SHC3: variants seen among roughly 807,000 people sequenced by gnomAD.
SHC3 encodes SHC-transforming protein 3.
In SHC3, 15 loss-of-function variants were observed where a neutral mutation model predicts 60.4. The observed-to-expected ratio is 0.25, with a 90% CI of 0.17 to 0.38. The LOEUF (loss-of-function observed/expected upper bound fraction) is 0.38, where lower values mean the gene tolerates loss of function less well. Ranked by LOEUF, SHC3 falls within the 10% of genes least tolerant of loss-of-function variation. The pLI, the probability that SHC3 is intolerant of heterozygous loss-of-function variation, is 1.00. For missense variants in SHC3, 677 were observed against 786.1 expected (o/e 0.86, Z 1.66); for synonymous variants, 294 against 325.9 (o/e 0.90, Z 1.05).
intron 1 of SHC3, among the ~76,000 whole-genome samples, chr9:89,123,861 G>A (rs986389085): frequency 9.2e-5 from 14 of 152,106 alleles, no homozygotes; most frequent in African/African-American, 3.4e-4. Context: ...CCATAAATGG[G>A]AATGTCATCC....
intron 11 of SHC3, among the ~76,000 whole-genome samples, chr9:89,016,262 T>C (rs1243613283): frequency 1.3e-5 from 2 of 151,936 alleles, no homozygotes; most frequent in Non-Finnish European, 2.9e-5. Context: ...AATAAAGAAA[T>C]ACAGGAATAA....
At chr9:89,035,140 C>G (rs748323275) in intron 11 of SHC3, among the ~76,000 whole-genome samples, 1 of 152,220 alleles carries the variant, frequency 6.6e-6, no homozygotes, top group African/African-American at 2.4e-5. Flanking sequence ...GCAACCTCCA[C>G]GATTGCGATG....
At chr9:89,125,554 C>T (rs1005118750) in intron 1 of SHC3, among the ~76,000 whole-genome samples, 3 of 151,948 alleles carry the variant, frequency 2.0e-5, no homozygotes, top group African/African-American at 7.3e-5. Context: ...TAAAGGGCTG[C>T]GTTCCCAGAA....
intron 1 of SHC3, 114 bp downstream of exon 1, chr9:89,177,873 C>T (rs1296953754): frequency 8.8e-7 from 1 of 1,131,656 alleles, no homozygotes; most frequent in African/African-American, 1.6e-5. Context: ...TTGCTTGCCT[C>T]TAACGTGACA....
At chr9:89,100,872 T>C (rs1825773214) in intron 2 of SHC3, among the ~76,000 whole-genome samples, 1 of 152,230 alleles carries the variant, frequency 6.6e-6, no homozygotes, top group South Asian at 2.1e-4. Flanking sequence ...TTCTACACTG[T>C]GAATTCTCTT....
chr9:89,148,347 A>G (rs1227533110), intron 1 of SHC3, among the ~76,000 whole-genome samples: 1 of 152,246 alleles, frequency 6.6e-6, no homozygotes, highest in African/African-American at 2.4e-5. Flanking sequence ...CTTAGCAAAG[A>G]AAGAAAGGAG....
At position 89,127,386 on chromosome 9, in the gene SHC3, G is replaced by C. The variant is rs540690609; in HGVS notation, c.475-14760C>G. Among the ~76,000 whole-genome samples the C allele has an allele frequency of 1.1e-4, 16 of 152,268 alleles. 1 individual carries two copies. In the South Asian group the frequency reaches 2.7e-3, roughly 26 times the overall value. On this transcript the variant is annotated intron_variant, in intron 1 of 11. Coordinates refer to ENST00000375835, the MANE Select transcript of SHC3 (RefSeq NM_016848.6). ...GATTTAAAAGAATTTTTTTAAAACA[G>C]TGCTATGGTTAAAAGTCAGCTTAAT...
intron 6 of SHC3, among the ~76,000 whole-genome samples, chr9:89,060,495 G>A (rs979449239): frequency 2.0e-5 from 3 of 151,958 alleles, no homozygotes; most frequent in African/African-American, 4.8e-5. Flanking sequence ...CAGGAAGGCC[G>A]GTGGTAGAAG....
At chr9:89,109,190 A>G (rs1165543927) in intron 2 of SHC3, 3 of 940,976 alleles carry the variant, frequency 3.2e-6, no homozygotes, top group Non-Finnish European at 3.8e-6. Context: ...CACAATATGC[A>G]TTGTTTCCAT....
chr9:89,075,387 C>T (rs989767176), intron 3 of SHC3, among the ~76,000 whole-genome samples, 159 bp from the exon 4 acceptor site: 1 of 152,106 alleles, frequency 6.6e-6, no homozygotes, highest in Admixed American at 6.5e-5. Context: ...TAGGGGGATC[C>T]GAAGCTAATA....
intron 1 of SHC3, among the ~76,000 whole-genome samples, chr9:89,145,650 A>T (rs762560972): frequency 3.3e-5 from 5 of 152,246 alleles, no homozygotes; most frequent in Non-Finnish European, 7.3e-5. Context: ...AGAACTGAAG[A>T]CCCAAGTCCT....
intron 11 of SHC3, among the ~76,000 whole-genome samples, chr9:89,019,737 TA>T (rs1225026535): frequency 6.6e-6 from 1 of 152,020 alleles, no homozygotes; most frequent in African/African-American, 2.4e-5. Context: ...AAAAGTCCAA[TA>T]AAAGAAATCA....
At chr9:89,095,016 T>C (rs73498168) in intron 2 of SHC3, among the ~76,000 whole-genome samples, 4,495 of 152,200 alleles carry the variant, frequency 0.03, 206 homozygotes, top group African/African-American at 0.1. Context: ...TAGGAACTTG[T>C]TGGAGTATAC....
chr9:89,178,306 G>A lies in SHC3; in HGVS notation c.155C>T (p.Ala52Val), dbSNP rs765476496. Residue 52 changes from alanine to valine, a missense_variant, in exon 1 of 12, where the codon GCG becomes GTG. Physicochemically the swap from Ala to Val is moderately conservative, Grantham distance 64 (BLOSUM62 0). Transcript: ENST00000375835. This position sits in a 1 kb window ranked among gnomAD's most constrained non-coding sequence, Gnocchi z 6.9. ...AAAPYLVSGEALRKAPDDGPG... is the reference protein window; with the variant it reads ...AAAPYLVSGEVLRKAPDDGPG... The stretch of plus-strand genomic sequence containing the variant: ...CCCATCGTCGGGCGCCTTGCGCAGC[G>A]CCTCGCCGGACACCAAGTAGGGAGC... 239 of 1,583,966 alleles carry A rather than the reference G, an allele frequency of 1.5e-4. 2 individuals are homozygous for A. The highest frequency in any genetic ancestry group is 1.3e-3 in the Middle Eastern group (8 of 5,956).
At chr9:89,017,699 A>G (rs1236041354) in intron 11 of SHC3, among the ~76,000 whole-genome samples, 1 of 152,218 alleles carries the variant, frequency 6.6e-6, no homozygotes, top group East Asian at 1.9e-4. Flanking sequence ...CTATCATCAG[A>G]GTGAACAGGC....
chr9:89,163,341 A>C (rs181368464), intron 1 of SHC3, among the ~76,000 whole-genome samples: 11,063 of 152,240 alleles, frequency 0.073, 526 homozygotes, highest in Middle Eastern at 0.14. Flanking sequence ...CTTGGAACCA[A>C]CCCAAATGTC....
intron 2 of SHC3, among the ~76,000 whole-genome samples, chr9:89,100,493 C>T (rs1024305286): frequency 6.6e-6 from 1 of 152,112 alleles, no homozygotes; most frequent in Non-Finnish European, 1.5e-5. Flanking sequence ...GCCTCAGCCT[C>T]CCAAAGTGCT....
Position 89,178,208 on chromosome 9 carries a change from A to T in SHC3, c.253T>A (p.Ser85Thr). The T allele has an allele frequency of 7.0e-7, 1 of 1,423,950 alleles. No individual in the cohort carries two copies. Among genetic ancestry groups the T allele is most frequent in the Non-Finnish European group, 9.2e-7 (1 of 1,086,600 alleles). The allele number at this position is 1,423,950 out of a possible 1,614,324, so 88.2% of individuals were successfully genotyped here. A position where few individuals can be genotyped will look rare whatever the true frequency, so the allele number is the denominator to read the frequency against. ...KLSSSGLRGLSSAARERAGAR... is the reference protein window; with the variant it reads ...KLSSSGLRGLTSAARERAGAR... ...CCCGCCCGCTCCCGGGCGGCCGACG[A>T]CAGGCCGCGGAGGCCCGAGCTGGAG... Residue 85 changes from serine (S) to threonine (T), a missense_variant, in exon 1 of 12, where the codon TCG (serine) becomes ACG (threonine). By Grantham distance (58) the Ser-to-Thr change is moderately conservative. Transcript: ENST00000375835. The surrounding 1 kb of genome is among the most constrained non-coding windows in gnomAD (Gnocchi z 6.9).
At chr9:89,112,813 G>A (rs1825969304) in intron 1 of SHC3, among the ~76,000 whole-genome samples, 187 bp from the exon 2 acceptor site, 1 of 152,110 alleles carries the variant, frequency 6.6e-6, no homozygotes, top group South Asian at 2.1e-4. Context: ...AAAATATCAT[G>A]AGTGGTTAGA....
Sources: gnomAD v4.1 joint callset for allele counts (sites outside exome capture counted in the v4.1 genomes callset) on GRCh38, gnomAD v4.1.1 for gene constraint, Gnocchi (gnomAD v3.1) non-coding constraint, MANE v1.5 for transcripts, NCBI Gene and HGNC (gene_info 2026-07-23, HGNC 2026-07-21) for gene names.